Variants in COL4A2 observed in about 807,000 individuals in gnomAD.
COL4A2 encodes collagen alpha-2(IV) chain.
COL4A2 carries 99 observed loss-of-function variants against 200.2 expected under a neutral mutation model. That is an observed-to-expected ratio of 0.49 (90% CI 0.42 to 0.58). COL4A2 has a LOEUF of 0.58. Among genes scored for constraint, COL4A2 ranks in the 20% least tolerant of loss-of-function variants. The pLI, the probability that COL4A2 is intolerant of heterozygous loss-of-function variation, is 0.00. For synonymous variants in COL4A2, 897 were observed against 900.6 expected (o/e 1.00, Z 0.07); for missense variants, 1,950 against 2,314.1 (o/e 0.84, Z 3.23).
intron 3 of COL4A2, among the ~76,000 whole-genome samples, chr13:110,316,050 C>G (rs1373886111): frequency 6.6e-6 from 1 of 152,140 alleles, no homozygotes; most frequent in Non-Finnish European, 1.5e-5. Flanking sequence ...ATGGATCAGT[C>G]TGAAAGATTT....
intron 33 of COL4A2, among the ~76,000 whole-genome samples, chr13:110,485,310 TGAG>T (rs1210963507): frequency 2.0e-5 from 3 of 151,888 alleles, no homozygotes; most frequent in Non-Finnish European, 4.4e-5. Flanking sequence ...GATCACAAGG[TGAG>T]GAGATCAAGA....
chr13:110,327,327 A>G (rs1357862465), intron 3 of COL4A2, among the ~76,000 whole-genome samples: 1 of 152,202 alleles, frequency 6.6e-6, no homozygotes, highest in Non-Finnish European at 1.5e-5. Context: ...CCAACCCCCA[A>G]GAGCTCAGCA....
At chr13:110,406,548 G>A (rs2139435251) in intron 4 of COL4A2, among the ~76,000 whole-genome samples, 1 of 152,282 alleles carries the variant, frequency 6.6e-6, no homozygotes, top group East Asian at 1.9e-4. Flanking sequence ...CCCAGGAGAA[G>A]TTTCTCTATG....
At chr13:110,361,284 C>A (rs1877501259) in intron 4 of COL4A2, among the ~76,000 whole-genome samples, 1 of 152,214 alleles carries the variant, frequency 6.6e-6, no homozygotes, top group African/African-American at 2.4e-5. Context: ...GTCTGCCCTA[C>A]TTTTGGACTG....
chr13:110,442,152 G>A (rs1881153504), intron 16 of COL4A2, among the ~76,000 whole-genome samples: 1 of 139,176 alleles, frequency 7.2e-6, no homozygotes, highest in South Asian at 2.4e-4. Flanking sequence ...GAACTCCAAA[G>A]TTAATGAAAG....
chr13:110,467,995 C>G (rs1292303422), intron 27 of COL4A2, among the ~76,000 whole-genome samples: 1 of 152,214 alleles, frequency 6.6e-6, no homozygotes, highest in Non-Finnish European at 1.5e-5. Context: ...AACTAAGTCC[C>G]CACCTATGCA....
At chr13:110,436,187 T>C in intron 12 of COL4A2, 82 bp from the exon 13 acceptor site, 1 of 1,600,086 alleles carries the variant, frequency 6.2e-7, no homozygotes, top group Non-Finnish European at 8.6e-7. Flanking sequence ...AACTGCAGTA[T>C]TTTGGCCAGG....
At chr13:110,382,180 C>A (rs1004058779) in intron 4 of COL4A2, among the ~76,000 whole-genome samples, 5 of 152,224 alleles carry the variant, frequency 3.3e-5, no homozygotes, top group African/African-American at 1.2e-4. Context: ...CATTACTAAA[C>A]CTCTCCATTC....
At chr13:110,429,853 T>C (rs1165276877) in intron 7 of COL4A2, 32 bp from the exon 8 acceptor site, 2 of 1,608,062 alleles carry the variant, frequency 1.2e-6, no homozygotes, top group Non-Finnish European at 1.7e-6. Flanking sequence ...CTTTTTGTTG[T>C]TTTTTCTTTT....
At chr13:110,358,797 G>A (rs562492781) in intron 4 of COL4A2, among the ~76,000 whole-genome samples, 12 of 152,284 alleles carry the variant, frequency 7.9e-5, no homozygotes, top group African/African-American at 2.9e-4. Context: ...TTAATCAATT[G>A]TATTCTGTTC....
chr13:110,450,509 G>T, intron 20 of COL4A2, 55 bp downstream of exon 20: 2 of 1,590,726 alleles, frequency 1.3e-6, no homozygotes, highest in Non-Finnish European at 8.6e-7. Context: ...ATGAAGCCCG[G>T]TCCCAGCCGG....
intron 18 of COL4A2, among the ~76,000 whole-genome samples, chr13:110,447,661 A>T (rs765823983): frequency 6.6e-5 from 10 of 152,212 alleles, no homozygotes; most frequent in Non-Finnish European, 1.2e-4. Context: ...GAGGACAGAC[A>T]TTTCAGCCCA....
intron 47 of COL4A2, among the ~76,000 whole-genome samples, chr13:110,510,206 C>T (rs754207658): frequency 7.2e-5 from 11 of 152,218 alleles, no homozygotes; most frequent in Non-Finnish European, 7.3e-5. Flanking sequence ...TTCTTTTGTC[C>T]GTGAGGATGG....
rs937816879 is a variant in COL4A2, at chr13:110,419,266, C to T, written c.181-5468C>T. On this transcript the variant is annotated intron_variant, in intron 4 of 47. Coordinates refer to ENST00000360467, the MANE Select transcript of COL4A2 (RefSeq NM_001846.4). ...ACTATTCAGATTTCGGCTGGTAAGT[C>T]ATGAAAAGCTCATTCTTATTCTACC... Among the ~76,000 whole-genome samples the T allele has an allele frequency of 2.6e-5, 4 of 152,148 alleles. No homozygotes were observed. The East Asian group carries it at 5.8e-4, about 22-fold the overall frequency.
At chr13:110,505,116 T>C (rs71440065) in intron 45 of COL4A2, among the ~76,000 whole-genome samples, 7,397 of 150,744 alleles carry the variant, frequency 0.049, 211 homozygotes, top group Non-Finnish European at 0.061. Context: ...TTTGGGAGGC[T>C]GAGGTGGGCG....
chr13:110,489,113 G>C (rs1883200878), intron 34 of COL4A2, among the ~76,000 whole-genome samples: 1 of 152,118 alleles, frequency 6.6e-6, no homozygotes, highest in African/African-American at 2.4e-5. Context: ...GCTCACACCT[G>C]TAATCCCAGC....
chr13:110,366,594 T>G (rs1428961777), intron 4 of COL4A2, among the ~76,000 whole-genome samples: 3 of 152,160 alleles, frequency 2.0e-5, no homozygotes, highest in African/African-American at 7.2e-5. Context: ...GTATGCACAT[T>G]TTCCTCCCTG....
intron 16 of COL4A2, among the ~76,000 whole-genome samples, chr13:110,441,953 G>C (rs937009712): frequency 2.0e-5 from 3 of 151,578 alleles, no homozygotes; most frequent in Non-Finnish European, 2.9e-5. Flanking sequence ...CCTGGGTGTG[G>C]TTCATGCCTA....
In COL4A2 at chr13:110,307,800, C is replaced by T; in HGVS notation, c.-44-60C>T. On this transcript the variant is annotated intron_variant, in intron 1 of 47. Coordinates refer to ENST00000360467, the MANE Select transcript of COL4A2 (RefSeq NM_001846.4). This position sits in a 1 kb window ranked among gnomAD's most constrained non-coding sequence, Gnocchi z 5.0. Reference sequence around the variant, plus strand: ...CCCGCGTCTCGCGGACCGAGACCGGCGGTGAGGATGGGCTGCCTCCCTCAT... The same window carrying T: ...CCCGCGTCTCGCGGACCGAGACCGGTGGTGAGGATGGGCTGCCTCCCTCAT... The T allele has an allele frequency of 7.0e-7, 1 of 1,426,802 alleles. No homozygotes were observed. The highest frequency in any genetic ancestry group is 9.4e-7 in the Non-Finnish European group (1 of 1,058,890). The allele number at this position is 1,426,802 out of a possible 1,614,324, so 88.4% of individuals were successfully genotyped here. A position where few individuals can be genotyped will look rare whatever the true frequency, so the allele number is the denominator to read the frequency against.
Sources: gnomAD v4.1 joint callset for allele counts (sites outside exome capture counted in the v4.1 genomes callset) on GRCh38, gnomAD v4.1.1 for gene constraint, Gnocchi (gnomAD v3.1) non-coding constraint, MANE v1.5 for transcripts, NCBI Gene and HGNC (gene_info 2026-07-23, HGNC 2026-07-21) for gene names.